Variants in SLIT1 observed in about 807,000 individuals in gnomAD.
The protein encoded by SLIT1 is slit guidance ligand 1.
Under a neutral mutation model 186.1 loss-of-function variants are expected in SLIT1, and 66 were observed. The ratio of observed to expected loss-of-function variants is 0.35; its 90% CI spans 0.29 to 0.44. SLIT1 has a LOEUF of 0.44. Ranked by LOEUF, SLIT1 falls within the 20% of genes least tolerant of loss-of-function variation. The pLI is 1.00. For synonymous variants in SLIT1, 761 were observed against 833.8 expected, an observed-to-expected ratio of 0.91 and a Z score of 1.50; for missense variants, 1,638 against 2,037.4, an observed-to-expected ratio of 0.80 and a Z score of 3.77.
At chr10:97,065,878 TG>T in intron 5 of SLIT1, 136 bp downstream of exon 5, 1 of 657,122 alleles carries the variant, frequency 1.5e-6, no homozygotes, top group Non-Finnish European at 2.8e-6. Flanking sequence ...AAGACCATGC[TG>T]GCACCAGCCC....
intron 25 of SLIT1, among the ~76,000 whole-genome samples, chr10:97,029,871 T>C (rs140016861): frequency 7.9e-5 from 12 of 152,334 alleles, no homozygotes; most frequent in African/African-American, 2.9e-4. Context: ...TCATATATAC[T>C]GAATCATACA....
At chr10:97,062,229 G>GCA (rs71007314) in intron 8 of SLIT1, among the ~76,000 whole-genome samples, 20,939 of 151,528 alleles carry the variant, frequency 0.14, 1,531 homozygotes, top group Middle Eastern at 0.16. Context: ...ACATCTGCAT[G>GCA]CACACACACA....
chr10:97,099,339 G>T (rs1448039498), intron 4 of SLIT1, among the ~76,000 whole-genome samples: 1 of 152,170 alleles, frequency 6.6e-6, no homozygotes, highest in East Asian at 1.9e-4. Flanking sequence ...CACCAGGCTG[G>T]CCTGCCTCAG....
At chr10:97,026,666 AG>A (rs747241602) in intron 25 of SLIT1, among the ~76,000 whole-genome samples, 4 of 152,190 alleles carry the variant, frequency 2.6e-5, no homozygotes, top group Non-Finnish European at 4.4e-5. Flanking sequence ...GCCAGAGTAT[AG>A]CAATGAAGAC....
chr10:97,150,431 A>G (rs1849864454), intron 4 of SLIT1, among the ~76,000 whole-genome samples: 1 of 152,170 alleles, frequency 6.6e-6, no homozygotes, highest in Admixed American at 6.5e-5. Context: ...AGCTTGAGAC[A>G]GGGTCGATAG....
At chr10:97,069,881 C>T (rs1472012721) in intron 4 of SLIT1, among the ~76,000 whole-genome samples, 2 of 152,196 alleles carry the variant, frequency 1.3e-5, no homozygotes, top group African/African-American at 4.8e-5. Context: ...TGAAGAACCA[C>T]ATATGATGGA....
At chr10:97,163,343 C>A (rs768759247) in intron 3 of SLIT1, 37 bp downstream of exon 3, 1 of 1,584,414 alleles carries the variant, frequency 6.3e-7, no homozygotes, top group Non-Finnish European at 8.7e-7. Flanking sequence ...TCGTGCCAGC[C>A]CCCCGCCCTC....
chr10:97,002,783 C>G lies in SLIT1; in HGVS notation c.4075G>C (p.Gly1359Arg), dbSNP rs1848323615. The change falls in exon 35 of 37, where the codon GGG (glycine) becomes CGG (arginine). Residue 1359 changes from glycine (G) to arginine (R), a missense_variant. Physicochemically the swap from Gly to Arg is moderately radical, Grantham distance 125. Transcript: ENST00000266058. ...CCAGCCTCGCAGTGGCACATGGGCC[C>G]TGGGGTGGCATTGGGCTGGCAGATG... ...HGICQPNATP[G>R]PMCHCEAGWV... is the part of the protein sequence containing the mutation. 11 of 1,613,880 alleles carry G rather than the reference C, an allele frequency of 6.8e-6. No homozygotes were observed. In the East Asian group the frequency reaches 1.1e-4, roughly 16 times the overall value.
rs544629060 is a variant in SLIT1, at chr10:97,010,609, C to T, written c.3341+384G>A. Among the ~76,000 whole-genome samples the T allele has an allele frequency of 8.5e-5, 13 of 152,312 alleles. No individual in the cohort carries two copies. The highest frequency in any genetic ancestry group is 1.6e-4 in the Non-Finnish European group (11 of 68,026). Reference sequence around the variant, plus strand: ...TTTTTTAACAAATGAGTGAGCAGAGCATGGGACGTGGGTGGCCAGAGGGAG... The same window carrying T: ...TTTTTTAACAAATGAGTGAGCAGAGTATGGGACGTGGGTGGCCAGAGGGAG... On this transcript the variant is annotated intron_variant, in intron 31 of 36. Coordinates refer to ENST00000266058, the MANE Select transcript of SLIT1 (RefSeq NM_003061.3). This position sits in a 1 kb window ranked among gnomAD's most constrained non-coding sequence, Gnocchi z 4.8.
intron 13 of SLIT1, among the ~76,000 whole-genome samples, chr10:97,054,701 A>T (rs1050595782): frequency 2.0e-5 from 3 of 152,208 alleles, no homozygotes; most frequent in African/African-American, 7.2e-5. Flanking sequence ...TACAGAGAAG[A>T]CAGAGGAACA....
intron 4 of SLIT1, among the ~76,000 whole-genome samples, chr10:97,093,206 T>A (rs963139298): frequency 6.6e-6 from 1 of 152,238 alleles, no homozygotes; most frequent in Non-Finnish European, 1.5e-5. Context: ...ACAGCTTTTT[T>A]GAGACCCTGG....
chr10:97,031,501 GC>G, intron 24 of SLIT1, 104 bp downstream of exon 24: 2 of 835,974 alleles, frequency 2.4e-6, no homozygotes, highest in Non-Finnish European at 3.8e-6. Context: ...CTCCACCATG[GC>G]ACAGCGTGGG....
At chr10:97,173,647 C>T (rs1024510568) in intron 1 of SLIT1, among the ~76,000 whole-genome samples, 2 of 152,020 alleles carry the variant, frequency 1.3e-5, no homozygotes, top group Admixed American at 6.6e-5. Context: ...CCTCAAGCAG[C>T]GGTGAGGCAG....
chr10:97,178,666 T>C (rs1850288439), intron 1 of SLIT1, among the ~76,000 whole-genome samples: 1 of 152,142 alleles, frequency 6.6e-6, no homozygotes, highest in Non-Finnish European at 1.5e-5. Context: ...AGCCTTGTGG[T>C]TCTTAGAAAA....
intron 4 of SLIT1, among the ~76,000 whole-genome samples, chr10:97,111,391 A>C (rs1417229199): frequency 6.6e-6 from 1 of 152,110 alleles, no homozygotes; most frequent in Non-Finnish European, 1.5e-5. Context: ...GAGTCTACAG[A>C]GATTATTCTA....
chr10:97,098,247 G>A (rs889443645), intron 4 of SLIT1, among the ~76,000 whole-genome samples: 13 of 152,338 alleles, frequency 8.5e-5, no homozygotes, highest in East Asian at 1.9e-4. Context: ...GAGTTCTGGG[G>A]CTCTCGCTAT....
At chr10:97,150,164 G>A (rs780688921) in intron 4 of SLIT1, among the ~76,000 whole-genome samples, 15 of 152,164 alleles carry the variant, frequency 9.9e-5, no homozygotes, top group Non-Finnish European at 2.1e-4. Flanking sequence ...GGGGCGGCTG[G>A]GAGCCCCGTT....
intron 13 of SLIT1, among the ~76,000 whole-genome samples, chr10:97,054,374 C>T (rs372232533): frequency 5.3e-5 from 8 of 151,982 alleles, no homozygotes; most frequent in Admixed American, 1.3e-4. Flanking sequence ...ATGTTGGTGC[C>T]GTATGTGTAC....
At chr10:97,023,312 C>T (rs1848517595) in intron 25 of SLIT1, among the ~76,000 whole-genome samples, 1 of 151,574 alleles carries the variant, frequency 6.6e-6, no homozygotes, top group Non-Finnish European at 1.5e-5. Flanking sequence ...GTGATCCGTC[C>T]ACCTCAGCCT....
Sources: allele counts gnomAD v4.1 joint callset (sites outside exome capture counted in the v4.1 genomes callset), GRCh38; gene constraint gnomAD v4.1.1; non-coding constraint Gnocchi (gnomAD v3.1); transcripts MANE v1.5; gene names NCBI Gene and HGNC (gene_info 2026-07-23, HGNC 2026-07-21).